The following SLCO5A1 variants were observed in gnomAD, a reference collection of about 807,000 sequenced individuals.
SLCO5A1 encodes the protein organic anion transporter polypeptide-related protein 4.
In SLCO5A1, 39 loss-of-function variants were observed where a neutral mutation model predicts 65.1. That is an observed-to-expected ratio of 0.60 (90% CI 0.46 to 0.78). The LOEUF (loss-of-function observed/expected upper bound fraction) is 0.78, where lower values mean the gene tolerates loss of function less well. Among genes scored for constraint, SLCO5A1 ranks in the 30% least tolerant of loss-of-function variants. SLCO5A1 has a pLI of 0.00. For synonymous variants in SLCO5A1, 438 were observed against 415.7 expected (o/e 1.05, Z -0.65); for missense variants, 1,029 against 1,069.4 (o/e 0.96, Z 0.53).
chr8:69,766,908 A>T (rs1173634710), intron 2 of SLCO5A1, among the ~76,000 whole-genome samples: 1 of 152,190 alleles, frequency 6.6e-6, no homozygotes, highest in African/African-American at 2.4e-5. Flanking sequence ...CACTGCTCCC[A>T]TTCAGCCAGT....
chr8:69,784,819 G>GAAAGAAAGAA (rs753461777), intron 2 of SLCO5A1, among the ~76,000 whole-genome samples: 3 of 86,246 alleles, frequency 3.5e-5, no homozygotes, highest in Non-Finnish European at 7.7e-5. Context: ...GAAAAAGAAA[G>GAAAGAAAGAA]AAAGAAAGAA....
chr8:69,704,702 T>G (rs1432042124), intron 6 of SLCO5A1, among the ~76,000 whole-genome samples: 3 of 152,240 alleles, frequency 2.0e-5, no homozygotes, highest in African/African-American at 7.2e-5. Context: ...TTTATGTTTT[T>G]GAGCTACAGA....
At chr8:69,774,682 C>A (rs1005739515) in intron 2 of SLCO5A1, among the ~76,000 whole-genome samples, 149 of 152,224 alleles carry the variant, frequency 9.8e-4, no homozygotes, top group African/African-American at 3.2e-3. Context: ...GGGACTGCAC[C>A]CAGGGTGGTG....
intron 6 of SLCO5A1, among the ~76,000 whole-genome samples, chr8:69,693,982 C>T (rs929757409): frequency 1.3e-5 from 2 of 152,228 alleles, no homozygotes; most frequent in African/African-American, 4.8e-5. Context: ...AAAATCTAGA[C>T]TGGCTGATGT....
At position 69,672,970 on chromosome 8, in the gene SLCO5A1, A is replaced by G. The variant is rs766314460; in HGVS notation, c.2446T>C (p.Cys816Arg). The G allele has an allele frequency of 6.2e-7, 1 of 1,614,184 alleles. No homozygotes were observed. Among genetic ancestry groups the G allele is most frequent in the Non-Finnish European group, 8.5e-7 (1 of 1,180,036 alleles). Residue 816 changes from cysteine (C) to arginine (R), a missense_variant, in exon 10 of 10, where the codon TGC becomes CGC. Around this residue, in one of 3 missense-constraint regions of SLCO5A1, gnomAD observed 258 missense variants for 237.4 expected, o/e 1.09. Transcript: ENST00000260126. ...EETGLQKGIQ[C>R]AAQTYPGPFP... ...GGCCCCGGGTAGGTCTGTGCTGCGC[A>G]CTGGATCCCTTTTTGCAGGCCAGTC...
intron 6 of SLCO5A1, among the ~76,000 whole-genome samples, chr8:69,694,945 C>T (rs1007301232): frequency 6.6e-6 from 1 of 152,112 alleles, no homozygotes; most frequent in Non-Finnish European, 1.5e-5. Flanking sequence ...AAATTTCCGT[C>T]GAGTTCATAA....
At chr8:69,759,156 C>T (rs911728273) in intron 3 of SLCO5A1, among the ~76,000 whole-genome samples, 3 of 152,186 alleles carry the variant, frequency 2.0e-5, no homozygotes, top group African/African-American at 2.4e-5. Flanking sequence ...TTCCTTCTCC[C>T]TTTCAGCATG....
chr8:69,678,109 G>A (rs1361152357), intron 8 of SLCO5A1, among the ~76,000 whole-genome samples: 1 of 152,114 alleles, frequency 6.6e-6, no homozygotes, highest in African/African-American at 2.4e-5. Context: ...CAGACTGAGT[G>A]TTTAAGTTAA....
chr8:69,809,137 G>A, intron 2 of SLCO5A1, among the ~76,000 whole-genome samples: 1 of 151,978 alleles, frequency 6.6e-6, no homozygotes, highest in Non-Finnish European at 1.5e-5. Context: ...TCATAATAAA[G>A]CAAAAGACTT....
Position 69,674,270 on chromosome 8 carries a change from A to G in SLCO5A1, c.2090-944T>C, listed in dbSNP as rs928581894. 7.9e-5 allele frequency among the ~76,000 whole-genome samples: 12 copies of G among 152,254 alleles called. 1 individual carries two copies. The highest frequency in any genetic ancestry group is 5.8e-4 in the East Asian group (3 of 5,168). ...GCCTTTTATTCTTTGCATCCCAAAG[A>G]CCTCAATAAAAATTTATGGAAGATA... is the stretch of plus-strand genomic sequence containing the variant. On this transcript the variant is annotated intron_variant, in intron 9 of 9. Transcript: ENST00000260126.
At chr8:69,700,846 T>C (rs543211384) in intron 6 of SLCO5A1, among the ~76,000 whole-genome samples, 2 of 151,406 alleles carry the variant, frequency 1.3e-5, no homozygotes, top group African/African-American at 4.8e-5. Flanking sequence ...TATTTATCAA[T>C]ATATATAATA....
chr8:69,668,497 C>A lies in SLCO5A1; in HGVS notation c.*4372G>T, dbSNP rs562368894. 4 of 152,298 alleles carry A rather than the reference C, an allele frequency of 2.6e-5. No homozygotes were observed. In the East Asian group the frequency reaches 7.7e-4, roughly 29 times the overall value. 9.4% of individuals were successfully genotyped at this position (152,298 alleles called of 1,614,324 possible). On this transcript the variant is annotated 3_prime_UTR_variant, in exon 10 of 10. Coordinates refer to ENST00000260126, the MANE Select transcript of SLCO5A1 (RefSeq NM_030958.3). The stretch of plus-strand genomic sequence containing the variant: ...TAGTTATATTCATGTGCTGTGTCAT[C>A]TCTGATGTTTTAAGTACATACACGA...
At chr8:69,710,912 A>C (rs1815212781) in intron 5 of SLCO5A1, among the ~76,000 whole-genome samples, 1 of 152,118 alleles carries the variant, frequency 6.6e-6, no homozygotes, top group African/African-American at 2.4e-5. Flanking sequence ...CATTGCTTGG[A>C]TCTCCGATCA....
intron 2 of SLCO5A1, among the ~76,000 whole-genome samples, chr8:69,784,559 G>A (rs894939673): frequency 8.6e-5 from 13 of 151,990 alleles, no homozygotes; most frequent in East Asian, 1.9e-4. Flanking sequence ...AGGCCGAGGC[G>A]GGTGGATCAC....
At chr8:69,782,579 CAAAAAAA>C (rs773987113) in intron 2 of SLCO5A1, among the ~76,000 whole-genome samples, 1 of 53,974 alleles carries the variant, frequency 1.9e-5, no homozygotes, top group East Asian at 5.8e-4. Flanking sequence ...GACCCTGTCT[CAAAAAAA>C]AAAAAAAAAA....
chr8:69,762,089 G>A (rs1817803882), intron 2 of SLCO5A1, among the ~76,000 whole-genome samples: 5 of 152,070 alleles, frequency 3.3e-5, no homozygotes, highest in South Asian at 2.1e-4. Context: ...AAGAATCATT[G>A]GGAGAGCTTT....
At chr8:69,763,614 C>T (rs1306121914) in intron 2 of SLCO5A1, among the ~76,000 whole-genome samples, 9 of 13,168 alleles carry the variant, frequency 6.8e-4, no homozygotes, top group Admixed American at 1.7e-3. Flanking sequence ...AGCAAGACTC[C>T]AAAAAAAAAA....
At chr8:69,678,984 G>T (rs1813656444) in intron 8 of SLCO5A1, among the ~76,000 whole-genome samples, 1 of 152,162 alleles carries the variant, frequency 6.6e-6, no homozygotes, top group Non-Finnish European at 1.5e-5. Context: ...TTTGCTGTAT[G>T]CACGATTTAG....
chr8:69,811,974 A>T (rs1820223071), intron 2 of SLCO5A1, among the ~76,000 whole-genome samples: 1 of 152,218 alleles, frequency 6.6e-6, no homozygotes, highest in Admixed American at 6.5e-5. Context: ...TAGCATCTGG[A>T]TCTAGGCCAC....
Sources: gnomAD v4.1 joint callset for allele counts (sites outside exome capture counted in the v4.1 genomes callset) on GRCh38, gnomAD v4.1.1 for gene constraint, gnomAD v4.1.1 regional missense constraint, MANE v1.5 for transcripts, NCBI Gene and HGNC (gene_info 2026-07-23, HGNC 2026-07-21) for gene names.